The following ZNRF1 variants were observed in gnomAD, a reference collection of about 807,000 sequenced individuals.
ZNRF1 encodes E3 ubiquitin-protein ligase ZNRF1.
A neutral mutation model predicts 18.4 loss-of-function variants in ZNRF1; 3 were observed. That is an observed-to-expected ratio of 0.16 (90% CI 0.07 to 0.42). ZNRF1 has a LOEUF of 0.42. Among genes scored for constraint, ZNRF1 ranks in the 10% least tolerant of loss-of-function variants. The pLI is 0.99. For synonymous variants in ZNRF1, 157 were observed against 144.2 expected, an observed-to-expected ratio of 1.09 and a Z score of -0.64; for missense variants, 310 against 329.8, an observed-to-expected ratio of 0.94 and a Z score of 0.47.
At chr16:75,044,172 A>T (rs2035485395) in intron 1 of ZNRF1, among the ~76,000 whole-genome samples, 1 of 151,124 alleles carries the variant, frequency 6.6e-6, no homozygotes, top group African/African-American at 2.4e-5. Context: ...AATTTCTTAG[A>T]GTGGTTTAGA....
chr16:75,008,850 A>T (rs1461299351), intron 1 of ZNRF1, among the ~76,000 whole-genome samples: 1 of 152,150 alleles, frequency 6.6e-6, no homozygotes, highest in Non-Finnish European at 1.5e-5. Flanking sequence ...TGCTGCAAGG[A>T]TATACTTCTC....
chr16:75,019,791 C>T (rs958893110), intron 1 of ZNRF1, among the ~76,000 whole-genome samples: 6 of 152,268 alleles, frequency 3.9e-5, no homozygotes, highest in East Asian at 1.9e-4. Context: ...GTGGTGCAGT[C>T]GCGGCTCACT....
intron 1 of ZNRF1, among the ~76,000 whole-genome samples, chr16:75,071,643 G>A (rs893783264): frequency 3.0e-4 from 45 of 152,294 alleles, no homozygotes; most frequent in African/African-American, 7.5e-4. Context: ...ACAGGTTCAA[G>A]GGCAGGGAAA....
rs547560247 is a variant in ZNRF1 at position 75,075,959 on chromosome 16, T to C, written c.425-17613T>C. Among the ~76,000 whole-genome samples, 42 of 152,270 alleles carry C rather than the reference T, an allele frequency of 2.8e-4. 1 individual carries two copies. The highest frequency in any genetic ancestry group is 9.6e-4 in the African/African-American group (40 of 41,562). ...AGGTGTAGGTGGGATTGAGAGAGCG[T>C]TGTGTGAGGTAGAGAATAGCTTACA... On this transcript the variant is annotated intron_variant, in intron 1 of 4. Coordinates refer to ENST00000335325, the MANE Select transcript of ZNRF1 (RefSeq NM_032268.5).
In ZNRF1 at chr16:75,070,640, A is replaced by G. The variant is rs567951933; in HGVS notation, c.425-22932A>G. ...AAACTAAGTACCTCTGTGTACTGAC[A>G]TCCTAGGAACCCTCCCCCAACCCCG... On this transcript the variant is annotated intron_variant, in intron 1 of 4. Transcript: ENST00000335325. Among the ~76,000 whole-genome samples the G allele has an allele frequency of 2.1e-3, 314 of 152,164 alleles. 1 individual carries two copies. The highest frequency in any genetic ancestry group is 7.1e-3 in the African/African-American group (293 of 41,502).
chr16:75,025,342 A>C (rs2035207281), intron 1 of ZNRF1, among the ~76,000 whole-genome samples: 1 of 152,162 alleles, frequency 6.6e-6, no homozygotes, highest in Non-Finnish European at 1.5e-5. Context: ...TGCTGGGATT[A>C]CAGGACTGAG....
intron 1 of ZNRF1, among the ~76,000 whole-genome samples, chr16:75,039,622 G>A (rs936226008): frequency 1.3e-5 from 2 of 152,168 alleles, no homozygotes; most frequent in Admixed American, 1.3e-4. Context: ...TCTCTGGTGA[G>A]ACTTTGAAAT....
At chr16:75,070,190 G>C (rs1242895773) in intron 1 of ZNRF1, among the ~76,000 whole-genome samples, 3 of 152,074 alleles carry the variant, frequency 2.0e-5, no homozygotes, top group Admixed American at 2.0e-4. Flanking sequence ...ATGGCCCATT[G>C]GGCAGCCAGC....
At chr16:75,035,743 G>A (rs1009524804) in intron 1 of ZNRF1, among the ~76,000 whole-genome samples, 1 of 152,186 alleles carries the variant, frequency 6.6e-6, no homozygotes. Flanking sequence ...TTGGCTGTCC[G>A]CATGCGCAGT....
intron 1 of ZNRF1, among the ~76,000 whole-genome samples, 200 bp from the exon 2 acceptor site, chr16:75,093,372 G>A (rs1421974559): frequency 6.8e-6 from 1 of 147,734 alleles, no homozygotes; most frequent in East Asian, 2.0e-4. Flanking sequence ...GCGACAGAGT[G>A]AGACTTCGTC....
intron 1 of ZNRF1, among the ~76,000 whole-genome samples, chr16:75,025,708 C>T (rs11149792): frequency 0.059 from 8,970 of 152,216 alleles, 475 homozygotes; most frequent in Admixed American, 0.12. Flanking sequence ...CTTTCCCAGC[C>T]CTCTGTTCTG....
At chr16:75,096,382 G>T (rs779281582) in intron 2 of ZNRF1, among the ~76,000 whole-genome samples, 2 of 152,198 alleles carry the variant, frequency 1.3e-5, no homozygotes, top group African/African-American at 4.8e-5. Flanking sequence ...CCCCAGGCAC[G>T]CCCAGGGCCT....
chr16:75,083,187 G>T (rs1014640100), intron 1 of ZNRF1, among the ~76,000 whole-genome samples: 1 of 152,086 alleles, frequency 6.6e-6, no homozygotes, highest in African/African-American at 2.4e-5. Flanking sequence ...GAATTTCCTC[G>T]AATGGACAGA....
chr16:75,008,863 C>T (rs1202382104), intron 1 of ZNRF1, among the ~76,000 whole-genome samples: 1 of 152,122 alleles, frequency 6.6e-6, no homozygotes, highest in East Asian at 1.9e-4. Flanking sequence ...TACTTCTCTT[C>T]ACTCATTTTT....
chr16:75,038,004 T>A (rs1438081636), intron 1 of ZNRF1, among the ~76,000 whole-genome samples: 1 of 152,164 alleles, frequency 6.6e-6, no homozygotes, highest in Non-Finnish European at 1.5e-5. Flanking sequence ...CTCTTATTCC[T>A]GAGATGTAGT....
intron 1 of ZNRF1, among the ~76,000 whole-genome samples, chr16:75,003,680 A>G (rs1184367744): frequency 6.6e-6 from 1 of 152,122 alleles, no homozygotes; most frequent in Non-Finnish European, 1.5e-5. Context: ...GGTGTCCTGG[A>G]GATTGCGCTG....
At chr16:75,082,020 A>C (rs533674318) in intron 1 of ZNRF1, among the ~76,000 whole-genome samples, 77 of 152,208 alleles carry the variant, frequency 5.1e-4, no homozygotes, top group Middle Eastern at 3.4e-3. Context: ...CACACTTCAC[A>C]CTCATGCTGA....
intron 2 of ZNRF1, among the ~76,000 whole-genome samples, chr16:75,102,300 C>T (rs2036263014): frequency 6.6e-6 from 1 of 152,200 alleles, no homozygotes; most frequent in African/African-American, 2.4e-5. Context: ...CCACAACCCA[C>T]AAGCCCACTC....
Position 75,039,936 on chromosome 16 carries a change from A to G in ZNRF1, c.424+39841A>G, listed in dbSNP as rs75812469. ...GTTGTTACTGTTTTGAAACTGAGGT[A>G]TAGTTGACATACCATAATATTCATA... On this transcript the variant is annotated intron_variant, in intron 1 of 4. Transcript: ENST00000335325. 8.0e-3 allele frequency among the ~76,000 whole-genome samples: 1,214 copies of G among 152,088 alleles called. 24 individuals are homozygous for G. The highest frequency in any genetic ancestry group is 0.027 in the African/African-American group (1,136 of 41,460).
Sources: allele counts gnomAD v4.1 joint callset (sites outside exome capture counted in the v4.1 genomes callset), GRCh38; gene constraint gnomAD v4.1.1; transcripts MANE v1.5; gene names NCBI Gene and HGNC (gene_info 2026-07-23, HGNC 2026-07-21).